SLC2A13: variants seen among roughly 807,000 people sequenced by gnomAD.
The protein encoded by SLC2A13 is solute carrier family 2 member 13.
SLC2A13 carries 32 observed loss-of-function variants against 64.4 expected under a neutral mutation model. The ratio of observed to expected loss-of-function variants is 0.50; its 90% CI spans 0.37 to 0.67. The LOEUF (loss-of-function observed/expected upper bound fraction) is 0.67. SLC2A13 is among the 30% of genes least tolerant of loss of function. The pLI, the probability that SLC2A13 is intolerant of heterozygous loss-of-function variation, is 0.00. For synonymous variants in SLC2A13, 338 were observed against 327.1 expected (o/e 1.03, Z -0.36); for missense variants, 743 against 829.2 (o/e 0.90, Z 1.28).
chr12:40,094,740 A>C (rs945338659), intron 1 of SLC2A13, among the ~76,000 whole-genome samples: 1 of 152,268 alleles, frequency 6.6e-6, no homozygotes, highest in African/African-American at 2.4e-5. Flanking sequence ...ATAGTAACTG[A>C]AAGATAAAGT....
At chr12:40,063,427 A>G (rs955232955) in intron 1 of SLC2A13, among the ~76,000 whole-genome samples, 1 of 151,852 alleles carries the variant, frequency 6.6e-6, no homozygotes, top group Non-Finnish European at 1.5e-5. Context: ...TCCTGCCAAC[A>G]ATTCATCGAA....
chr12:40,077,002 C>T (rs890894802), intron 1 of SLC2A13, among the ~76,000 whole-genome samples: 8 of 151,722 alleles, frequency 5.3e-5, no homozygotes, highest in African/African-American at 1.7e-4. Flanking sequence ...TTTACTGGGG[C>T]TGTTTGATTT....
intron 1 of SLC2A13, among the ~76,000 whole-genome samples, chr12:40,101,479 T>G (rs909013109): frequency 6.6e-6 from 1 of 152,208 alleles, no homozygotes; most frequent in African/African-American, 2.4e-5. Context: ...AGTAGCCATC[T>G]CAGCAAATGA....
intron 3 of SLC2A13, among the ~76,000 whole-genome samples, chr12:39,984,034 A>G (rs1238269037): frequency 1.3e-5 from 2 of 152,028 alleles, no homozygotes; most frequent in Admixed American, 6.5e-5. Context: ...TTGTAGGGAC[A>G]TGGATGAAAT....
At chr12:39,967,011 T>G (rs1946530351) in intron 3 of SLC2A13, among the ~76,000 whole-genome samples, 1 of 152,184 alleles carries the variant, frequency 6.6e-6, no homozygotes, top group South Asian at 2.1e-4. Context: ...TTTTGAGGCA[T>G]GTCTGCAGTT....
intron 4 of SLC2A13, among the ~76,000 whole-genome samples, chr12:39,887,695 T>C (rs1251944642): frequency 2.0e-5 from 3 of 152,214 alleles, no homozygotes; most frequent in African/African-American, 4.8e-5. Flanking sequence ...GGAAATAGCC[T>C]ATCATTCTGT....
chr12:40,051,565 A>G (rs532872971), intron 1 of SLC2A13, among the ~76,000 whole-genome samples: 9 of 152,286 alleles, frequency 5.9e-5, no homozygotes, highest in African/African-American at 2.2e-4. Context: ...ATCAGACTAT[A>G]GCAAAGGGAC....
At position 40,052,757 on chromosome 12, in the gene SLC2A13, A is replaced by C. The variant is rs548924419; in HGVS notation, c.557-4547T>G. Among the ~76,000 whole-genome samples the C allele has an allele frequency of 1.4e-3, 216 of 152,240 alleles. 1 individual carries two copies. The highest frequency in any genetic ancestry group is 3.6e-3 in the Admixed American group (55 of 15,292). ...GGAGTTACACAACTAGGTGGAGCTC[A>C]AAGGATGGTACTATGGGGACAATGC... On this transcript the variant is annotated intron_variant, in intron 1 of 9. Coordinates refer to ENST00000280871, the MANE Select transcript of SLC2A13 (RefSeq NM_052885.4).
At chr12:40,064,169 C>T (rs1222098719) in intron 1 of SLC2A13, among the ~76,000 whole-genome samples, 5 of 152,016 alleles carry the variant, frequency 3.3e-5, no homozygotes, top group East Asian at 1.9e-4. Context: ...CACTTGAGTC[C>T]GCAAGTTCAA....
chr12:39,869,084 A>G (rs1943978668), intron 5 of SLC2A13, among the ~76,000 whole-genome samples: 1 of 152,230 alleles, frequency 6.6e-6, no homozygotes, highest in Admixed American at 6.5e-5. Flanking sequence ...TTTAACATAG[A>G]ACCGTATGTT....
chr12:40,005,760 G>C (rs1041048157), intron 3 of SLC2A13, among the ~76,000 whole-genome samples: 13 of 152,098 alleles, frequency 8.5e-5, no homozygotes, highest in African/African-American at 2.9e-4. Flanking sequence ...CCACCAAAAG[G>C]CTATACGATT....
At chr12:40,032,075 A>G (rs551480545) in intron 2 of SLC2A13, among the ~76,000 whole-genome samples, 107 of 152,284 alleles carry the variant, frequency 7.0e-4, no homozygotes, top group African/African-American at 2.5e-3. Flanking sequence ...AAAACCCACC[A>G]GTTTCCAGGC....
At chr12:39,763,963 A>C (rs1386342725) in intron 9 of SLC2A13, among the ~76,000 whole-genome samples, 2 of 152,088 alleles carry the variant, frequency 1.3e-5, no homozygotes, top group Non-Finnish European at 2.9e-5. Flanking sequence ...TGAGCAGCAC[A>C]GGTGATACAG....
chr12:39,990,371 C>T (rs1027493841), intron 3 of SLC2A13, among the ~76,000 whole-genome samples: 1 of 152,130 alleles, frequency 6.6e-6, no homozygotes, highest in Non-Finnish European at 1.5e-5. Context: ...GAGATAAATA[C>T]ATATTTTACA....
intron 7 of SLC2A13, among the ~76,000 whole-genome samples, chr12:39,769,544 AG>A (rs35823768): frequency 0.84 from 127,344 of 151,908 alleles, 53,625 homozygotes; most frequent in African/African-American, 0.89. Flanking sequence ...AAAACATTGT[AG>A]GGTGTAGGCT....
intron 4 of SLC2A13, among the ~76,000 whole-genome samples, chr12:39,884,411 T>C (rs74086925): frequency 0.051 from 7,738 of 152,318 alleles, 276 homozygotes; most frequent in African/African-American, 0.11. Context: ...CTATGTCCTT[T>C]ACCTCTGGTT....
At chr12:39,853,107 C>G (rs1174891510) in intron 6 of SLC2A13, among the ~76,000 whole-genome samples, 1 of 152,098 alleles carries the variant, frequency 6.6e-6, no homozygotes, top group Non-Finnish European at 1.5e-5. Context: ...CTCAAAACGC[C>G]AAGAACCTGG....
rs955704610 is a variant in SLC2A13 at position 39,757,974 on chromosome 12, T to C, written c.*2052A>G. The C allele has an allele frequency of 4.6e-5, 7 of 152,106 alleles. No homozygotes were observed. The highest frequency in any genetic ancestry group is 7.4e-5 in the Non-Finnish European group (5 of 67,682). 9.4% of individuals were successfully genotyped at this position (152,106 alleles called of 1,614,324 possible). A position where few individuals can be genotyped will look rare whatever the true frequency, so the allele number is the denominator to read the frequency against. On this transcript the variant is annotated 3_prime_UTR_variant, in exon 10 of 10. Coordinates refer to ENST00000280871, the MANE Select transcript of SLC2A13 (RefSeq NM_052885.4). ...TTTTCTCCTTATTATATTTTGATTG[T>C]ACCATATAGTAGCTTATTTTTCACT...
chr12:40,044,397 A>T (rs918585817), intron 2 of SLC2A13, among the ~76,000 whole-genome samples: 1 of 152,178 alleles, frequency 6.6e-6, no homozygotes, highest in Non-Finnish European at 1.5e-5. Context: ...GATTGTGGCG[A>T]TGGTTGCATA....
Sources: gnomAD v4.1 joint callset for allele counts (sites outside exome capture counted in the v4.1 genomes callset) on GRCh38, gnomAD v4.1.1 for gene constraint, MANE v1.5 for transcripts, NCBI Gene and HGNC (gene_info 2026-07-23, HGNC 2026-07-21) for gene names.